The following SERPINB2 variants were observed in gnomAD, a reference collection of about 807,000 sequenced individuals.
The protein encoded by SERPINB2 is serpin family B member 2, also known as plasminogen activator inhibitor 2.
Under a neutral mutation model 39.4 loss-of-function variants are expected in SERPINB2, and 28 were observed. That is an observed-to-expected ratio of 0.71 (90% CI 0.53 to 0.97). The LOEUF (loss-of-function observed/expected upper bound fraction) is 0.97, where lower values mean the gene tolerates loss of function less well. SERPINB2 is among the 50% of genes least tolerant of loss of function. The pLI is 0.00. For synonymous variants in SERPINB2, 209 were observed against 175.1 expected (o/e 1.19, Z -1.53); for missense variants, 557 against 505.3 (o/e 1.10, Z -0.98).
At chr18:63,897,648 G>A in intron 4 of SERPINB2, 79 bp from the exon 5 acceptor site, 5 of 1,037,806 alleles carry the variant, frequency 4.8e-6, no homozygotes, top group Non-Finnish European at 7.5e-6. Context: ...ATTTCAATGG[G>A]AAGACCATAA....
chr18:63,900,744 G>C (rs1247384663), intron 5 of SERPINB2, among the ~76,000 whole-genome samples: 1 of 152,018 alleles, frequency 6.6e-6, no homozygotes, highest in African/African-American at 2.4e-5. Flanking sequence ...CCCCATTTTA[G>C]CTAGCCCTCA....
At chr18:63,901,530 A>G (rs1266489809) in intron 5 of SERPINB2, among the ~76,000 whole-genome samples, 1 of 152,116 alleles carries the variant, frequency 6.6e-6, no homozygotes, top group Non-Finnish European at 1.5e-5. Flanking sequence ...TTTTAAATGC[A>G]TTATTTCTTC....
At position 63,897,766 on chromosome 18, in the gene SERPINB2, C is replaced by A. The variant is rs1284865586; in HGVS notation, c.457C>A (p.Pro153Thr). ...RLCQKYYSSE[P>T]QAVDFLECAE... ...CTGTCAGAAATATTACTCCTCAGAA[C>A]CCCAGGCAGTAGACTTCCTAGAATG... Residue 153 changes from proline (P) to threonine (T), a missense_variant, in exon 5 of 8, where the codon CCC (proline) becomes ACC (threonine). Pro to Thr is a conservative substitution (Grantham distance 38, BLOSUM62 -1). Coordinates refer to ENST00000299502, the MANE Select transcript of SERPINB2 (RefSeq NM_002575.3). 1 of 1,613,010 alleles carries A rather than the reference C, an allele frequency of 6.2e-7. No individual in the cohort carries two copies. Among genetic ancestry groups the A allele is most frequent in the African/African-American group, 1.3e-5 (1 of 74,830 alleles).
rs1308509517 is a variant in SERPINB2 at position 63,903,692 on chromosome 18, A to G, written c.*387A>G. 1 of 153,918 alleles carries G rather than the reference A, an allele frequency of 6.5e-6. No individual in the cohort carries two copies. The highest frequency in any genetic ancestry group is 1.4e-5 in the Non-Finnish European group (1 of 69,330). 9.5% of individuals were successfully genotyped at this position (153,918 alleles called of 1,614,324 possible). A position where few individuals can be genotyped will look rare whatever the true frequency, so the allele number is the denominator to read the frequency against. Reference sequence around the variant, plus strand: ...GATCTGTTAATTTCCTATCTAATAAATGCCTTTAATTGTTCTCATAATGAA... The same window carrying G: ...GATCTGTTAATTTCCTATCTAATAAGTGCCTTTAATTGTTCTCATAATGAA... On this transcript the variant is annotated 3_prime_UTR_variant, in exon 8 of 8. Transcript: ENST00000299502.
chr18:63,902,461 A>G lies in SERPINB2; in HGVS notation c.736A>G (p.Ile246Val), dbSNP rs147118804. Residue 246 changes from isoleucine (I) to valine (V), a missense_variant, in exon 7 of 8, where the codon ATA (isoleucine) becomes GTA (valine). Coordinates refer to ENST00000299502, the MANE Select transcript of SERPINB2 (RefSeq NM_002575.3). ...GCGTGAAAAGCTAAACATTGGATAC[A>G]TAGAAGACCTAAAGGCTCAGATTCT... Reference protein sequence around the residue: ...YLREKLNIGYIEDLKAQILEL... With the variant: ...YLREKLNIGYVEDLKAQILEL... 82 of 1,613,544 alleles carry G rather than the reference A, an allele frequency of 5.1e-5. No homozygotes were observed. Among genetic ancestry groups the G allele is most frequent in the Non-Finnish European group, 6.7e-5 (79 of 1,179,694 alleles).
intron 1 of SERPINB2, among the ~76,000 whole-genome samples, chr18:63,889,049 G>C (rs2049909314): frequency 6.6e-6 from 1 of 152,132 alleles, no homozygotes. Context: ...AAGTTTGTAG[G>C]AAAGCATTAG....
At chr18:63,895,143 C>T (rs560159671) in intron 2 of SERPINB2, 121 bp from the exon 3 acceptor site, 408 of 1,131,446 alleles carry the variant, frequency 3.6e-4, no homozygotes, top group South Asian at 6.0e-4. Flanking sequence ...ATGGTTGTTC[C>T]CCATGTATAA....
At chr18:63,897,024 T>C (rs1487105028) in intron 3 of SERPINB2, 67 bp from the exon 4 acceptor site, 11 of 1,453,020 alleles carry the variant, frequency 7.6e-6, no homozygotes, top group Non-Finnish European at 1.0e-5. Context: ...ACTATTACCA[T>C]GGCTTAAGAA....
At chr18:63,887,994 A>G (rs1350678227) in intron 1 of SERPINB2, among the ~76,000 whole-genome samples, 1 of 152,248 alleles carries the variant, frequency 6.6e-6, no homozygotes. Flanking sequence ...AAGCCAACAA[A>G]TACCTTTGTA....
chr18:63,895,983 A>G (rs2049957224), intron 3 of SERPINB2, among the ~76,000 whole-genome samples: 1 of 152,090 alleles, frequency 6.6e-6, no homozygotes, highest in South Asian at 2.1e-4. Flanking sequence ...TCGGGGAGTA[A>G]CACCTTTCCT....
At chr18:63,887,838 G>A (rs1461971196) in intron 1 of SERPINB2, 68 bp downstream of exon 1, 1 of 152,202 alleles carries the variant, frequency 6.6e-6, no homozygotes, top group Non-Finnish European at 1.5e-5. Flanking sequence ...CCCTCATGCT[G>A]GTATTAATAG....
At chr18:63,902,235 A>G (rs1467426444) in intron 6 of SERPINB2, among the ~76,000 whole-genome samples, 169 bp from the exon 7 acceptor site, 2 of 152,188 alleles carry the variant, frequency 1.3e-5, no homozygotes, top group African/African-American at 4.8e-5. Context: ...TGAACAAGCT[A>G]ATAACATCAG....
chr18:63,897,359 C>A, intron 4 of SERPINB2, 140 bp downstream of exon 4: 1 of 916,304 alleles, frequency 1.1e-6, no homozygotes, highest in Non-Finnish European at 1.6e-6. Flanking sequence ...CCTTGCGTAA[C>A]AGCTGCCCTT....
Position 63,891,858 on chromosome 18 carries a change from G to A in SERPINB2, c.168+246G>A, listed in dbSNP as rs1465872631. Among the ~76,000 whole-genome samples, 11 of 152,336 alleles carry A rather than the reference G, an allele frequency of 7.2e-5. No individual in the cohort carries two copies. The East Asian group carries it at 1.9e-3, about 27-fold the overall frequency. On this transcript the variant is annotated intron_variant, in intron 2 of 7. Coordinates refer to ENST00000299502, the MANE Select transcript of SERPINB2 (RefSeq NM_002575.3). Reference sequence around the variant, plus strand: ...TGAATAGCCTGCAAGGCTGGACACAGTTATGAGTGACCACATCTTATATTT... The same window carrying A: ...TGAATAGCCTGCAAGGCTGGACACAATTATGAGTGACCACATCTTATATTT...
At chr18:63,896,958 TAATGTACCAAAAATAAAGTATG>T in intron 3 of SERPINB2, 111 bp from the exon 4 acceptor site, 1 of 697,966 alleles carries the variant, frequency 1.4e-6, no homozygotes, top group Non-Finnish European at 2.2e-6. Context: ...AAGATTCCTC[TAATGTACCAAAAATAAAGTATG>T]TATTAATATA....
intron 2 of SERPINB2, 64 bp downstream of exon 2, chr18:63,891,676 T>C: frequency 6.7e-7 from 1 of 1,500,644 alleles, no homozygotes; most frequent in Non-Finnish European, 9.1e-7. Flanking sequence ...GGAGAACTGC[T>C]CTTGTTTTAT....
rs1336560369 is a variant in SERPINB2, at chr18:63,896,467, C to A, written c.289-624C>A. ...GATCATTACTAAGGCAACATTTCCT[C>A]CCTGCCAGCTTTACTGAGGTATAAT... On this transcript the variant is annotated intron_variant, in intron 3 of 7. Transcript: ENST00000299502. Among the ~76,000 whole-genome samples the A allele has an allele frequency of 7.9e-5, 12 of 152,282 alleles. No homozygotes were observed. The East Asian group carries it at 2.3e-3, about 29-fold the overall frequency.
At chr18:63,895,112 C>A in intron 2 of SERPINB2, 152 bp from the exon 3 acceptor site, 2 of 818,350 alleles carry the variant, frequency 2.4e-6, no homozygotes, top group East Asian at 2.8e-5. Flanking sequence ...TTATATTACA[C>A]AGAAAGAGTA....
At chr18:63,899,309 C>T (rs2049978667) in intron 5 of SERPINB2, among the ~76,000 whole-genome samples, 1 of 152,110 alleles carries the variant, frequency 6.6e-6, no homozygotes, top group Non-Finnish European at 1.5e-5. Context: ...GTTTGTTTTG[C>T]TTTTCCTCTC....
Sources: allele counts gnomAD v4.1 joint callset (sites outside exome capture counted in the v4.1 genomes callset), GRCh38; gene constraint gnomAD v4.1.1; transcripts MANE v1.5; gene names NCBI Gene and HGNC (gene_info 2026-07-23, HGNC 2026-07-21).